Variants in GRID2 observed in about 807,000 individuals in gnomAD.
GRID2 encodes the protein glutamate ionotropic receptor delta type subunit 2, also known as glutamate receptor ionotropic, delta-2.
GRID2 carries 33 observed loss-of-function variants against 114.8 expected under a neutral mutation model. That is an observed-to-expected ratio of 0.29 (90% CI 0.22 to 0.38). GRID2 has a LOEUF of 0.38. GRID2 is among the 10% of genes least tolerant of loss of function. GRID2 has a pLI of 1.00. For missense variants in GRID2, 1,184 were observed against 1,257.7 expected, an observed-to-expected ratio of 0.94 and a Z score of 0.89; for synonymous variants, 505 against 449.9, an observed-to-expected ratio of 1.12 and a Z score of -1.55.
chr4:93,366,938 T>C (rs1251473693), intron 8 of GRID2, among the ~76,000 whole-genome samples: 1 of 151,876 alleles, frequency 6.6e-6, no homozygotes, highest in African/African-American at 2.4e-5. Flanking sequence ...TATATATATA[T>C]ATTTAGAATA....
intron 2 of GRID2, among the ~76,000 whole-genome samples, chr4:92,649,217 A>G (rs1193546282): frequency 8.3e-6 from 1 of 121,094 alleles, no homozygotes. Context: ...AATTTGCCAT[A>G]TGACTATGGA....
chr4:92,953,938 T>C (rs1451125517), intron 2 of GRID2, among the ~76,000 whole-genome samples: 1 of 152,172 alleles, frequency 6.6e-6, no homozygotes, highest in Non-Finnish European at 1.5e-5. Flanking sequence ...ATTATTAGAA[T>C]TTTATAAAGT....
intron 13 of GRID2, among the ~76,000 whole-genome samples, chr4:93,560,222 T>TAAAAAAAAAAAAAAAAAAAAAAAAA (rs70942974): frequency 7.0e-5 from 3 of 42,954 alleles, no homozygotes; most frequent in Non-Finnish European, 7.9e-5. Context: ...GAACTTAAAG[T>TAAAAAAAAAAAAAAAAAAAAAAAAA]AAAAAAAAAA....
chr4:93,799,233 T>C (rs1182155351), intron 1 of GRID2, among the ~76,000 whole-genome samples: 1 of 152,232 alleles, frequency 6.6e-6, no homozygotes, highest in Non-Finnish European at 1.5e-5. Context: ...ATGGGTATTG[T>C]ATTTATTTAT....
At chr4:92,702,074 TG>T (rs1734701131) in intron 2 of GRID2, among the ~76,000 whole-genome samples, 1 of 152,184 alleles carries the variant, frequency 6.6e-6, no homozygotes, top group South Asian at 2.1e-4. Flanking sequence ...AGGGTTTGTT[TG>T]TTCAATGATT....
chr4:92,402,528 A>G (rs1038992301), intron 1 of GRID2, among the ~76,000 whole-genome samples: 5 of 152,212 alleles, frequency 3.3e-5, no homozygotes, highest in Non-Finnish European at 4.4e-5. Context: ...ATCTCCTTGT[A>G]CATGTCCATC....
chr4:93,580,203 A>G (rs772551373), intron 13 of GRID2, among the ~76,000 whole-genome samples: 23 of 152,338 alleles, frequency 1.5e-4, no homozygotes, highest in Admixed American at 1.3e-4. Context: ...TTTGCTCTGC[A>G]CAGTCTCTAG....
chr4:92,756,919 G>A (rs1366235082), intron 2 of GRID2, among the ~76,000 whole-genome samples: 1 of 151,920 alleles, frequency 6.6e-6, no homozygotes, highest in Admixed American at 6.6e-5. Flanking sequence ...TTATTATGTT[G>A]ATTGTTTCCT....
chr4:93,514,972 A>G (rs1729564832), intron 12 of GRID2, among the ~76,000 whole-genome samples: 1 of 152,138 alleles, frequency 6.6e-6, no homozygotes, highest in Admixed American at 6.6e-5. Context: ...TTGCATTACC[A>G]CTAGACGTTT....
chr4:93,487,006 A>G (rs921150452), intron 11 of GRID2, among the ~76,000 whole-genome samples: 9 of 151,762 alleles, frequency 5.9e-5, no homozygotes, highest in African/African-American at 1.9e-4. Flanking sequence ...GAAATCTTTG[A>G]TAGTTACAAA....
intron 13 of GRID2, among the ~76,000 whole-genome samples, chr4:93,518,610 G>T (rs1190168676): frequency 6.6e-6 from 1 of 152,046 alleles, no homozygotes; most frequent in African/African-American, 2.4e-5. Context: ...AAGCTCTGTG[G>T]TATGTTCAGT....
chr4:92,588,485 G>A (rs976816513), intron 1 of GRID2, among the ~76,000 whole-genome samples: 2 of 151,180 alleles, frequency 1.3e-5, no homozygotes, highest in Non-Finnish European at 2.9e-5. Context: ...AACCATCCTG[G>A]CTAACACAGT....
At chr4:92,415,924 C>A (rs192377352) in intron 1 of GRID2, among the ~76,000 whole-genome samples, 1 of 151,436 alleles carries the variant, frequency 6.6e-6, no homozygotes, top group African/African-American at 2.4e-5. Context: ...GATACTCAGT[C>A]GTGGGCTTGC....
chr4:93,281,533 A>G (rs932662561), intron 8 of GRID2, among the ~76,000 whole-genome samples: 2 of 152,060 alleles, frequency 1.3e-5, no homozygotes, highest in Non-Finnish European at 2.9e-5. Context: ...TGGAAAAACT[A>G]GGTCTTGAAC....
At chr4:93,275,321 T>A (rs1751931411) in intron 8 of GRID2, among the ~76,000 whole-genome samples, 1 of 151,902 alleles carries the variant, frequency 6.6e-6, no homozygotes, top group Non-Finnish European at 1.5e-5. Context: ...GATTAATTAA[T>A]AAACATTTCA....
At chr4:92,524,635 G>A (rs894286059) in intron 1 of GRID2, among the ~76,000 whole-genome samples, 1 of 151,750 alleles carries the variant, frequency 6.6e-6, no homozygotes, top group African/African-American at 2.4e-5. Context: ...AAGTCAACTT[G>A]TTAACAAACT....
intron 2 of GRID2, among the ~76,000 whole-genome samples, chr4:93,004,867 G>C (rs1027167127): frequency 2.0e-5 from 3 of 152,058 alleles, no homozygotes; most frequent in African/African-American, 7.2e-5. Flanking sequence ...CAATTCATTA[G>C]TCAATCATGA....
At chr4:92,699,829 T>C (rs1734585598) in intron 2 of GRID2, among the ~76,000 whole-genome samples, 1 of 152,190 alleles carries the variant, frequency 6.6e-6, no homozygotes, top group Non-Finnish European at 1.5e-5. Flanking sequence ...CTCAGATTTA[T>C]AAAATTCTGT....
chr4:93,048,276 G>T (rs1726355723), intron 2 of GRID2, among the ~76,000 whole-genome samples: 1 of 152,096 alleles, frequency 6.6e-6, no homozygotes, highest in Admixed American at 6.6e-5. Flanking sequence ...CATTTCATGA[G>T]GAGGAGTGCA....
Sources: allele counts gnomAD v4.1 joint callset (sites outside exome capture counted in the v4.1 genomes callset), GRCh38; gene constraint gnomAD v4.1.1; transcripts MANE v1.5; gene names NCBI Gene and HGNC (gene_info 2026-07-23, HGNC 2026-07-21).